CLMP: variants seen among roughly 807,000 people sequenced by gnomAD.
The protein encoded by CLMP is CXADR-like membrane protein.
In CLMP, 27 loss-of-function variants were observed where a neutral mutation model predicts 45.2. The ratio of observed to expected loss-of-function variants is 0.60; its 90% CI spans 0.44 to 0.82. The LOEUF (loss-of-function observed/expected upper bound fraction) is 0.82, where lower values mean the gene tolerates loss of function less well. Among genes scored for constraint, CLMP ranks in the 40% least tolerant of loss-of-function variants. The pLI, the probability that CLMP is intolerant of heterozygous loss-of-function variation, is 0.00. For missense variants in CLMP, 403 were observed against 448.4 expected (o/e 0.90, Z 0.91); for synonymous variants, 167 against 171.4 (o/e 0.97, Z 0.20).
intron 5 of CLMP, among the ~76,000 whole-genome samples, chr11:123,079,630 A>T (rs1274902043): frequency 6.6e-6 from 1 of 152,080 alleles, no homozygotes; most frequent in Admixed American, 6.6e-5. Context: ...TGTTTTTAGT[A>T]GAGACGGGGT....
At chr11:123,150,485 A>AAAG (rs1565397482) in intron 1 of CLMP, among the ~76,000 whole-genome samples, 6 of 109,922 alleles carry the variant, frequency 5.5e-5, no homozygotes, top group Non-Finnish European at 9.6e-5. Context: ...GAAAGAAAGG[A>AAAG]AGGAAGGAAG....
intron 1 of CLMP, among the ~76,000 whole-genome samples, chr11:123,125,164 C>T (rs540273826): frequency 6.6e-6 from 1 of 152,300 alleles, no homozygotes; most frequent in Non-Finnish European, 1.5e-5. Flanking sequence ...TCCTACAGTG[C>T]TGAGATTAAG....
At chr11:123,140,936 G>C (rs1035742229) in intron 1 of CLMP, among the ~76,000 whole-genome samples, 2 of 152,042 alleles carry the variant, frequency 1.3e-5, no homozygotes, top group African/African-American at 4.8e-5. Context: ...AGTGAGTTCT[G>C]GATCATCTGT....
intron 2 of CLMP, among the ~76,000 whole-genome samples, chr11:123,087,078 C>A (rs75665886): frequency 0.14 from 21,836 of 152,016 alleles, 1,603 homozygotes; most frequent in African/African-American, 0.16. Context: ...TGGCTCACGC[C>A]TATAATCCCA....
intron 1 of CLMP, among the ~76,000 whole-genome samples, chr11:123,142,848 G>C (rs1358923396): frequency 6.7e-6 from 1 of 149,130 alleles, no homozygotes. Context: ...GGATGGTCTC[G>C]ATCTCCTGAC....
chr11:123,175,502 C>T (rs1861686802), intron 1 of CLMP, among the ~76,000 whole-genome samples: 1 of 152,124 alleles, frequency 6.6e-6, no homozygotes, highest in South Asian at 2.1e-4. Context: ...TGAGTGAGGA[C>T]ACAGAGCCAA....
rs778759845 is a variant in CLMP at position 123,073,657 on chromosome 11, G to T, written c.939C>A (p.Arg313=). The change falls in exon 7 of 7, where the codon CGC becomes CGA. Residue 313 remains arginine (R), a synonymous_variant. Transcript: ENST00000448775. ...CGTCAGTTGACAGTGTCCGCTGGCTGCGTGAGGCACTATTTGCTGTGGAGC... is the reference window on the plus strand; with the variant it reads ...CGTCAGTTGACAGTGTCCGCTGGCTTCGTGAGGCACTATTTGCTGTGGAGC... ...STRSTANSAS[R]SQRTLSTDAA... The T allele has an allele frequency of 6.2e-7, 1 of 1,614,138 alleles. No individual in the cohort carries two copies. The highest frequency in any genetic ancestry group is 8.5e-7 in the Non-Finnish European group (1 of 1,180,054).
At chr11:123,170,652 G>C (rs1861619928) in intron 1 of CLMP, among the ~76,000 whole-genome samples, 2 of 152,094 alleles carry the variant, frequency 1.3e-5, no homozygotes, top group South Asian at 4.1e-4. Flanking sequence ...TGTTGGCCAA[G>C]CTGGTCTCGA....
intron 2 of CLMP, among the ~76,000 whole-genome samples, chr11:123,089,376 A>C (rs892373700): frequency 6.6e-6 from 1 of 151,576 alleles, no homozygotes; most frequent in Non-Finnish European, 1.5e-5. Context: ...AAAGAAACAC[A>C]TTTTTCTTCA....
At chr11:123,145,341 C>T (rs57399908) in intron 1 of CLMP, among the ~76,000 whole-genome samples, 9,127 of 152,074 alleles carry the variant, frequency 0.06, 491 homozygotes, top group East Asian at 0.23. Context: ...GAACTACTGC[C>T]CAAGGTCTAG....
chr11:123,153,303 G>C (rs188423568), intron 1 of CLMP, among the ~76,000 whole-genome samples: 11 of 152,202 alleles, frequency 7.2e-5, no homozygotes, highest in African/African-American at 2.6e-4. Flanking sequence ...CAAGACGGAG[G>C]GCTCAACTGA....
In CLMP at chr11:123,085,554, T is replaced by G. The variant is rs1157989475; in HGVS notation, c.187-841A>C. On this transcript the variant is annotated intron_variant, in intron 2 of 6. Transcript: ENST00000448775. ...ATGAGCCACCACGCCTGGCCTGCCTTCCATTCTATTCCTGAATAAGAAATA... is the reference window on the plus strand; with the variant it reads ...ATGAGCCACCACGCCTGGCCTGCCTGCCATTCTATTCCTGAATAAGAAATA... 2.0e-5 allele frequency among the ~76,000 whole-genome samples: 3 copies of G among 148,018 alleles called. No individual in the cohort carries two copies. The East Asian group carries it at 6.1e-4, about 30-fold the overall frequency.
chr11:123,071,332 G>GA lies in CLMP; in HGVS notation c.*2141dup, dbSNP rs951556777. 2 of 152,246 alleles carry GA rather than the reference G, an allele frequency of 1.3e-5. No individual in the cohort carries two copies. Among genetic ancestry groups the GA allele is most frequent in the African/African-American group, 4.8e-5 (2 of 41,424 alleles). The allele number at this position is 152,246 out of a possible 1,614,324, so 9.4% of individuals were successfully genotyped here. A position where few individuals can be genotyped will look rare whatever the true frequency, so the allele number is the denominator to read the frequency against. ...CACCTATAATCCAAGCTACTTGGGG[G>GA]ACTGAGGAAGGAGAATCGCTTGAAC... On this transcript the variant is annotated 3_prime_UTR_variant, in exon 7 of 7. Transcript: ENST00000448775.
chr11:123,148,333 G>T (rs1028394881), intron 1 of CLMP, among the ~76,000 whole-genome samples: 1 of 152,184 alleles, frequency 6.6e-6, no homozygotes, highest in African/African-American at 2.4e-5. Flanking sequence ...TCTGCACAAG[G>T]GCATTTGGAT....
intron 1 of CLMP, among the ~76,000 whole-genome samples, chr11:123,165,838 C>T (rs148793490): frequency 3.3e-4 from 50 of 152,202 alleles, no homozygotes; most frequent in African/African-American, 1.0e-3. Flanking sequence ...GTGCCCTCTC[C>T]CCAGGAAGAT....
At chr11:123,083,258 A>G in intron 4 of CLMP, 51 bp from the exon 5 acceptor site, 1 of 1,558,896 alleles carries the variant, frequency 6.4e-7, no homozygotes, top group Admixed American at 1.8e-5. Context: ...TGGTATCTAT[A>G]TTTATTGTTT....
At chr11:123,175,727 C>T (rs1311382435) in intron 1 of CLMP, among the ~76,000 whole-genome samples, 1 of 152,188 alleles carries the variant, frequency 6.6e-6, no homozygotes, top group Non-Finnish European at 1.5e-5. Context: ...AGGCTGCAAG[C>T]TTATGAGTCT....
At chr11:123,156,535 G>A (rs1398661459) in intron 1 of CLMP, among the ~76,000 whole-genome samples, 2 of 152,026 alleles carry the variant, frequency 1.3e-5, no homozygotes, top group Non-Finnish European at 2.9e-5. Context: ...AGTGGTGGTC[G>A]GGGGGATTTT....
chr11:123,128,839 A>AGCTCTGTG (rs1223480865), intron 1 of CLMP, among the ~76,000 whole-genome samples: 4 of 152,230 alleles, frequency 2.6e-5, no homozygotes, highest in African/African-American at 9.6e-5. Flanking sequence ...ACTGGCTAAG[A>AGCTCTGTG]GCTCTGTGAA....
Sources: allele counts gnomAD v4.1 joint callset (sites outside exome capture counted in the v4.1 genomes callset), GRCh38; gene constraint gnomAD v4.1.1; transcripts MANE v1.5; gene names NCBI Gene and HGNC (gene_info 2026-07-23, HGNC 2026-07-21).